Variants in NPAS3 observed in about 807,000 individuals in gnomAD.
NPAS3 encodes neuronal PAS domain-containing protein 3.
A neutral mutation model predicts 73.1 loss-of-function variants in NPAS3; 14 were observed. The ratio of observed to expected loss-of-function variants is 0.19; its 90% CI spans 0.13 to 0.30. The LOEUF (loss-of-function observed/expected upper bound fraction) is 0.30, where lower values mean the gene tolerates loss of function less well. Ranked by LOEUF, NPAS3 falls within the 10% of genes least tolerant of loss-of-function variation. NPAS3 has a pLI of 1.00. For missense variants in NPAS3, 1,096 were observed against 1,250.0 expected, an observed-to-expected ratio of 0.88 and a Z score of 1.86; for synonymous variants, 620 against 541.5, an observed-to-expected ratio of 1.14 and a Z score of -2.01.
At chr14:33,590,264 A>G (rs1431793742) in intron 5 of NPAS3, among the ~76,000 whole-genome samples, 1 of 152,062 alleles carries the variant, frequency 6.6e-6, no homozygotes, top group East Asian at 1.9e-4. Flanking sequence ...AATAATGAAG[A>G]CCTCCATCTG....
chr14:33,257,446 G>A (rs191537094), intron 3 of NPAS3, among the ~76,000 whole-genome samples: 120 of 152,170 alleles, frequency 7.9e-4, no homozygotes, highest in African/African-American at 2.7e-3. Flanking sequence ...AAGCTCTTTA[G>A]TCCTTGAAAC....
intron 2 of NPAS3, among the ~76,000 whole-genome samples, chr14:33,200,948 A>C (rs192818585): frequency 2.9e-4 from 44 of 152,222 alleles, no homozygotes; most frequent in Admixed American, 2.2e-3. Context: ...CAAGTATTTG[A>C]GTTTTTGTGA....
intron 3 of NPAS3, among the ~76,000 whole-genome samples, chr14:33,343,853 TA>T (rs1404956534): frequency 2.7e-5 from 4 of 145,812 alleles, no homozygotes; most frequent in Non-Finnish European, 6.2e-5. Flanking sequence ...AGCCAGGACC[TA>T]GGTCTGCTCT....
chr14:33,591,247 C>T (rs146327713), intron 5 of NPAS3, among the ~76,000 whole-genome samples: 20 of 152,242 alleles, frequency 1.3e-4, no homozygotes, highest in African/African-American at 4.8e-4. Flanking sequence ...TCCCTCACTG[C>T]CCACTCTTCT....
At chr14:33,692,299 T>C (rs12590973) in intron 6 of NPAS3, among the ~76,000 whole-genome samples, 21,492 of 152,132 alleles carry the variant, frequency 0.14, 1,746 homozygotes, top group South Asian at 0.24. Context: ...CTCCCTCCAA[T>C]GGGTCTTGAT....
At chr14:33,381,784 C>T (rs962129758) in intron 4 of NPAS3, among the ~76,000 whole-genome samples, 2 of 152,152 alleles carry the variant, frequency 1.3e-5, no homozygotes, top group African/African-American at 4.8e-5. Flanking sequence ...GAAATATTTG[C>T]CCTGAGCAGA....
chr14:33,210,597 A>C (rs1312038487), intron 2 of NPAS3, among the ~76,000 whole-genome samples: 1 of 152,162 alleles, frequency 6.6e-6, no homozygotes, highest in Non-Finnish European at 1.5e-5. Flanking sequence ...CTAGAAGTAC[A>C]CATATACTCC....
chr14:33,245,275 C>G (rs10146868), intron 3 of NPAS3, among the ~76,000 whole-genome samples: 4 of 152,170 alleles, frequency 2.6e-5, no homozygotes, highest in Non-Finnish European at 5.9e-5. Flanking sequence ...ATAATAACTA[C>G]TACTACTGAG....
At chr14:33,377,134 G>A (rs1594795568) in intron 4 of NPAS3, among the ~76,000 whole-genome samples, 3 of 152,070 alleles carry the variant, frequency 2.0e-5, no homozygotes, top group African/African-American at 7.2e-5. Context: ...TTAGTTCAGA[G>A]TAAAAAATTT....
chr14:33,003,456 CT>C (rs1482787427), intron 1 of NPAS3, among the ~76,000 whole-genome samples: 1 of 152,166 alleles, frequency 6.6e-6, no homozygotes, highest in African/African-American at 2.4e-5. Flanking sequence ...TGTTGAGTTA[CT>C]GAGGTGCGAC....
intron 5 of NPAS3, among the ~76,000 whole-genome samples, chr14:33,563,565 G>GAGAGAGAA (rs10688249): frequency 6.9e-6 from 1 of 144,426 alleles, no homozygotes; most frequent in Admixed American, 6.8e-5. Context: ...GAGAGAGAGA[G>GAGAGAGAA]GAGAGATGTA....
At chr14:33,379,886 A>G (rs1322558292) in intron 4 of NPAS3, among the ~76,000 whole-genome samples, 1 of 152,090 alleles carries the variant, frequency 6.6e-6, no homozygotes, top group Non-Finnish European at 1.5e-5. Flanking sequence ...ACATAATTCA[A>G]CAATTATATT....
chr14:33,255,406 A>G (rs2048741496), intron 3 of NPAS3, among the ~76,000 whole-genome samples: 1 of 152,154 alleles, frequency 6.6e-6, no homozygotes, highest in East Asian at 1.9e-4. Flanking sequence ...AATGCTCAAT[A>G]GCTGTATTTT....
At chr14:33,497,624 T>C (rs1424622204) in intron 4 of NPAS3, among the ~76,000 whole-genome samples, 4 of 151,994 alleles carry the variant, frequency 2.6e-5, no homozygotes, top group African/African-American at 4.8e-5. Context: ...ACAAATGGTG[T>C]TGAGAAAACT....
chr14:33,801,293 A>AT, downstream of NPAS3: 1 of 1,298,314 alleles, frequency 7.7e-7, no homozygotes, highest in African/African-American at 1.5e-5. Context: ...AGATATGTTT[A>AT]TTTTTTGCCT....
Position 33,799,806 on chromosome 14 carries a change from G to C in NPAS3, c.1499G>C (p.Arg500Pro), listed in dbSNP as rs144067606. The stretch of plus-strand genomic sequence containing the variant: ...AACAGCGAAGACCCGGAGCCCGACC[G>C]GAAGAAGTCGGGCAACGCGTGTGAC... The change falls in exon 12 of 12, where the codon CGG becomes CCG. Residue 500 changes from arginine (R) to proline (P), a missense_variant. By Grantham distance (103) the Arg-to-Pro change is moderately radical. Transcript: ENST00000356141. 4 of 1,613,276 alleles carry C rather than the reference G, an allele frequency of 2.5e-6. No individual in the cohort carries two copies. In the East Asian group the frequency reaches 8.9e-5, roughly 36 times the overall value.
chr14:33,790,514 C>T (rs79984290), intron 9 of NPAS3, among the ~76,000 whole-genome samples: 209 of 150,684 alleles, frequency 1.4e-3, no homozygotes, highest in Non-Finnish European at 2.3e-3. Flanking sequence ...CTGCCTCTGG[C>T]GCAGCTGGAA....
At chr14:33,205,796 T>C (rs1240257805) in intron 2 of NPAS3, among the ~76,000 whole-genome samples, 1 of 152,220 alleles carries the variant, frequency 6.6e-6, no homozygotes, top group Non-Finnish European at 1.5e-5. Flanking sequence ...TCTTTAAACT[T>C]GTCAAAGCAC....
intron 5 of NPAS3, among the ~76,000 whole-genome samples, chr14:33,611,917 C>A (rs1425417975): frequency 6.6e-6 from 1 of 152,152 alleles, no homozygotes. Flanking sequence ...TAAATGAAAT[C>A]ATACTTTTAA....
Sources: allele counts gnomAD v4.1 joint callset (sites outside exome capture counted in the v4.1 genomes callset), GRCh38; gene constraint gnomAD v4.1.1; transcripts MANE v1.5; gene names NCBI Gene and HGNC (gene_info 2026-07-23, HGNC 2026-07-21).